Variants in LDB2 observed in about 807,000 individuals in gnomAD.
The protein encoded by LDB2 is LIM domain-binding protein 2.
In LDB2, 12 loss-of-function variants were observed where a neutral mutation model predicts 44.3. The observed-to-expected ratio is 0.27, with a 90% CI of 0.17 to 0.44. LDB2 has a LOEUF of 0.44. Ranked by LOEUF, LDB2 falls within the 20% of genes least tolerant of loss-of-function variation. The pLI, the probability that LDB2 is intolerant of heterozygous loss-of-function variation, is 1.00. For synonymous variants in LDB2, 164 were observed against 174.8 expected (o/e 0.94, Z 0.49); for missense variants, 344 against 473.5 (o/e 0.73, Z 2.54).
intron 5 of LDB2, among the ~76,000 whole-genome samples, chr4:16,546,851 C>G (rs575566870): frequency 6.6e-6 from 1 of 152,288 alleles, no homozygotes; most frequent in East Asian, 1.9e-4. Context: ...TTATTGGCCT[C>G]CTCCCAGGGT....
rs150320752 is a variant in LDB2, at chr4:16,890,418, G to T, written c.132+7936C>A. 2.8e-3 allele frequency among the ~76,000 whole-genome samples: 433 copies of T among 152,322 alleles called. 4 individuals are homozygous for T. The highest frequency in any genetic ancestry group is 0.01 in the Middle Eastern group (3 of 294). ...AAAAGAGAGGCTGGGGGCTCGCAATGTCACCAGAACAGGACAGATTCCTCT... is the reference window on the plus strand; with the variant it reads ...AAAAGAGAGGCTGGGGGCTCGCAATTTCACCAGAACAGGACAGATTCCTCT... On this transcript the variant is annotated intron_variant, in intron 1 of 7. Transcript: ENST00000304523.
intron 1 of LDB2, among the ~76,000 whole-genome samples, chr4:16,816,664 G>A (rs1408160708): frequency 6.6e-6 from 1 of 151,930 alleles, no homozygotes; most frequent in Non-Finnish European, 1.5e-5. Context: ...GCCCGCCTTG[G>A]CTTCCCAAAG....
intron 2 of LDB2, among the ~76,000 whole-genome samples, chr4:16,619,736 G>A (rs1728333121): frequency 6.7e-6 from 1 of 150,352 alleles, no homozygotes; most frequent in African/African-American, 2.4e-5. Flanking sequence ...GTTGTCAAGT[G>A]TATGTTTTAT....
intron 5 of LDB2, among the ~76,000 whole-genome samples, chr4:16,584,298 A>C (rs575890253): frequency 1.3e-5 from 2 of 152,336 alleles, no homozygotes; most frequent in Non-Finnish European, 2.9e-5. Flanking sequence ...AGGCTTACTG[A>C]TAGATGCTGA....
chr4:16,531,324 C>T (rs530815440), intron 5 of LDB2, among the ~76,000 whole-genome samples: 27 of 126,848 alleles, frequency 2.1e-4, no homozygotes, highest in East Asian at 8.0e-4. Context: ...TCCCTGTCAC[C>T]CTTGCTCCCA....
At chr4:16,522,186 G>A (rs1444578089) in intron 5 of LDB2, among the ~76,000 whole-genome samples, 1 of 152,104 alleles carries the variant, frequency 6.6e-6, no homozygotes, top group Non-Finnish European at 1.5e-5. Context: ...ATTACCAAGA[G>A]GGGGGCAGGG....
At chr4:16,681,987 C>T (rs948277216) in intron 2 of LDB2, among the ~76,000 whole-genome samples, 3 of 152,028 alleles carry the variant, frequency 2.0e-5, no homozygotes, top group African/African-American at 7.2e-5. Flanking sequence ...AGGACGGGTG[C>T]CTATTTATAA....
chr4:16,788,247 T>C (rs895772845), intron 1 of LDB2, among the ~76,000 whole-genome samples: 6 of 152,146 alleles, frequency 3.9e-5, no homozygotes, highest in African/African-American at 1.2e-4. Context: ...GAGCCTCCGC[T>C]CTCCACAGGG....
chr4:16,508,464 C>A, intron 7 of LDB2, 71 bp downstream of exon 7: 25 of 1,209,836 alleles, frequency 2.1e-5, no homozygotes, highest in East Asian at 2.9e-5. Context: ...TGAAAAGAGA[C>A]TTTAATTTGG....
At chr4:16,545,386 A>G (rs959376047) in intron 5 of LDB2, among the ~76,000 whole-genome samples, 1 of 152,182 alleles carries the variant, frequency 6.6e-6, no homozygotes, top group Non-Finnish European at 1.5e-5. Context: ...TCTAACCGCA[A>G]AATGCATCCC....
At chr4:16,520,144 C>T (rs1725456555) in intron 5 of LDB2, among the ~76,000 whole-genome samples, 1 of 152,068 alleles carries the variant, frequency 6.6e-6, no homozygotes, top group South Asian at 2.1e-4. Context: ...CCCCGCCGCC[C>T]CACCGCCAGT....
intron 1 of LDB2, among the ~76,000 whole-genome samples, chr4:16,795,214 TGAAGA>T (rs905670506): frequency 1.3e-5 from 2 of 151,980 alleles, no homozygotes; most frequent in African/African-American, 4.8e-5. Flanking sequence ...GACCTTGCTG[TGAAGA>T]GAGAGCCTGG....
chr4:16,848,460 A>G (rs974919901), intron 1 of LDB2, among the ~76,000 whole-genome samples: 2 of 152,240 alleles, frequency 1.3e-5, no homozygotes, highest in Non-Finnish European at 2.9e-5. Flanking sequence ...TTTCCAGAGA[A>G]ACATGAATGT....
chr4:16,502,732 C>T lies in LDB2; in HGVS notation c.1033G>A (p.Ala345Thr), dbSNP rs138614817. Residue 345 changes from alanine to threonine, a missense_variant, in exon 8 of 8, where the codon GCG (alanine) becomes ACG (threonine). Physicochemically the swap from Ala to Thr is moderately conservative, Grantham distance 58. Around this residue, in one of 3 missense-constraint regions of LDB2, gnomAD observed 86 missense variants for 171.2 expected, o/e 0.50. Transcript: ENST00000304523. ...DDEEDFNNSPALGNNSPWNSK... is the reference protein window; with the variant it reads ...DDEEDFNNSPTLGNNSPWNSK... Reference sequence around the variant, plus strand: ...TTCCACGGGCTGTTGTTCCCCAGCGCGGGTGAATTGTTGAAGTCCTCCTCG... The same window carrying T: ...TTCCACGGGCTGTTGTTCCCCAGCGTGGGTGAATTGTTGAAGTCCTCCTCG... 9 of 1,613,736 alleles carry T rather than the reference C, an allele frequency of 5.6e-6. No individual in the cohort carries two copies. The South Asian group carries it at 6.6e-5, about 12-fold the overall frequency.
chr4:16,547,191 C>T (rs1356195577), intron 5 of LDB2, among the ~76,000 whole-genome samples: 1 of 151,148 alleles, frequency 6.6e-6, no homozygotes, highest in African/African-American at 2.5e-5. Context: ...TGTGAAGAGA[C>T]CCGAGGCAGA....
chr4:16,828,008 TCCACCTC>T (rs1420124038), intron 1 of LDB2, among the ~76,000 whole-genome samples: 1 of 152,136 alleles, frequency 6.6e-6, no homozygotes, highest in Non-Finnish European at 1.5e-5. Flanking sequence ...TTTCTCTCAT[TCCACCTC>T]CCACTTCCAC....
intron 2 of LDB2, among the ~76,000 whole-genome samples, chr4:16,722,142 T>C (rs1238501203): frequency 6.6e-6 from 1 of 152,148 alleles, no homozygotes; most frequent in Non-Finnish European, 1.5e-5. Flanking sequence ...CTTAACATAG[T>C]AGCAGCTACT....
At chr4:16,884,617 A>G (rs928156302) in intron 1 of LDB2, among the ~76,000 whole-genome samples, 3 of 152,166 alleles carry the variant, frequency 2.0e-5, no homozygotes, top group Admixed American at 2.0e-4. Flanking sequence ...CCATTTATCC[A>G]TCAAGACCTT....
intron 2 of LDB2, among the ~76,000 whole-genome samples, chr4:16,715,314 A>C (rs534958175): frequency 6.6e-6 from 1 of 152,344 alleles, no homozygotes; most frequent in Admixed American, 6.5e-5. Context: ...AGGTACTATC[A>C]TATTTCAATC....
Sources: gnomAD v4.1 joint callset for allele counts (sites outside exome capture counted in the v4.1 genomes callset) on GRCh38, gnomAD v4.1.1 for gene constraint, gnomAD v4.1.1 regional missense constraint, MANE v1.5 for transcripts, NCBI Gene and HGNC (gene_info 2026-07-23, HGNC 2026-07-21) for gene names.